The following FHIT variants were observed in gnomAD, a reference collection of about 807,000 sequenced individuals.
FHIT encodes bis(5'-adenosyl)-triphosphatase.
FHIT carries 19 observed loss-of-function variants against 17.9 expected under a neutral mutation model. That is an observed-to-expected ratio of 1.06 (90% CI 0.74 to 1.56). The LOEUF (loss-of-function observed/expected upper bound fraction) is 1.56. Among genes scored for constraint, FHIT ranks in the 40% most tolerant of loss-of-function variants. The pLI, the probability that FHIT is intolerant of heterozygous loss-of-function variation, is 0.00. For missense variants in FHIT, 248 were observed against 189.2 expected (o/e 1.31, Z -1.82); for synonymous variants, 81 against 69.7 (o/e 1.16, Z -0.81).
chr3:60,711,252 T>G (rs2041522158), intron 4 of FHIT, among the ~76,000 whole-genome samples: 1 of 151,988 alleles, frequency 6.6e-6, no homozygotes, highest in Admixed American at 6.6e-5. Context: ...AGAAAGGACA[T>G]CCACACCAAA....
chr3:60,835,770 AC>A (rs1702515800), intron 3 of FHIT, among the ~76,000 whole-genome samples: 1 of 151,928 alleles, frequency 6.6e-6, no homozygotes, highest in South Asian at 2.1e-4. Flanking sequence ...GGCATACACC[AC>A]CAGGCCTGGT....
intron 5 of FHIT, among the ~76,000 whole-genome samples, chr3:60,262,954 T>C (rs1046646587): frequency 6.6e-6 from 1 of 151,816 alleles, no homozygotes; most frequent in African/African-American, 2.4e-5. Flanking sequence ...TAGAAGAACA[T>C]ATTTTTAATG....
intron 5 of FHIT, among the ~76,000 whole-genome samples, chr3:60,308,413 C>A (rs1367252393): frequency 1.3e-5 from 2 of 151,194 alleles, no homozygotes; most frequent in Non-Finnish European, 3.0e-5. Context: ...TGGGCTGTTA[C>A]AGACCAGGAG....
At chr3:59,864,906 A>G (rs1245562480) in intron 8 of FHIT, among the ~76,000 whole-genome samples, 1 of 151,868 alleles carries the variant, frequency 6.6e-6, no homozygotes, top group African/African-American at 2.4e-5. Context: ...TATAATCTCC[A>G]GAGCAGTTCC....
At chr3:59,999,705 T>C (rs1269490561) in intron 7 of FHIT, among the ~76,000 whole-genome samples, 1 of 152,092 alleles carries the variant, frequency 6.6e-6, no homozygotes, top group Non-Finnish European at 1.5e-5. Context: ...CCTCCCAGGT[T>C]CAAGTGATTC....
At chr3:60,398,529 C>A (rs1407487439) in intron 5 of FHIT, among the ~76,000 whole-genome samples, 2 of 152,132 alleles carry the variant, frequency 1.3e-5, no homozygotes, top group Non-Finnish European at 2.9e-5. Flanking sequence ...TACACAGGGT[C>A]AGTCACATAG....
At chr3:59,868,488 T>C (rs1311700263) in intron 8 of FHIT, among the ~76,000 whole-genome samples, 1 of 152,186 alleles carries the variant, frequency 6.6e-6, no homozygotes, top group Non-Finnish European at 1.5e-5. Flanking sequence ...TATGAGGTCT[T>C]GAATCACACC....
intron 4 of FHIT, among the ~76,000 whole-genome samples, chr3:60,593,798 C>A (rs562390833): frequency 6.6e-6 from 1 of 152,152 alleles, no homozygotes; most frequent in South Asian, 2.1e-4. Flanking sequence ...TCAGAGACAG[C>A]CAATGTGGAA....
rs373767681 is a variant in FHIT, at chr3:60,497,133, T to C, written c.103+39727A>G. Among the ~76,000 whole-genome samples, 70 of 152,066 alleles carry C rather than the reference T, an allele frequency of 4.6e-4. 3 individuals carry two copies. The East Asian group carries it at 6.4e-3, about 14-fold the overall frequency. On this transcript the variant is annotated intron_variant, in intron 5 of 9. Transcript: ENST00000492590. Reference sequence around the variant, plus strand: ...ACAACTAGGAGGGGGCATGGTATTGTATCTGGTCGGTACAGGTAGAGTTGC... The same window carrying C: ...ACAACTAGGAGGGGGCATGGTATTGCATCTGGTCGGTACAGGTAGAGTTGC...
chr3:60,594,303 G>T (rs1473837847), intron 4 of FHIT, among the ~76,000 whole-genome samples: 2 of 152,064 alleles, frequency 1.3e-5, no homozygotes, highest in African/African-American at 4.8e-5. Flanking sequence ...CACAACCATT[G>T]TAACTCTAGC....
chr3:60,608,882 T>G (rs372527074), intron 4 of FHIT, among the ~76,000 whole-genome samples: 3 of 152,296 alleles, frequency 2.0e-5, no homozygotes, highest in South Asian at 2.1e-4. Context: ...TGTGTTTCCC[T>G]TCTCTTCATA....
chr3:61,093,490 C>A (rs1450166260), intron 2 of FHIT, among the ~76,000 whole-genome samples: 1 of 151,896 alleles, frequency 6.6e-6, no homozygotes, highest in Non-Finnish European at 1.5e-5. Context: ...AGCCAAAATG[C>A]CAATAATGCC....
At chr3:59,938,636 T>C (rs1706359356) in intron 7 of FHIT, among the ~76,000 whole-genome samples, 1 of 152,182 alleles carries the variant, frequency 6.6e-6, no homozygotes, top group Non-Finnish European at 1.5e-5. Flanking sequence ...TAGTAACTAT[T>C]TTACTATTTT....
chr3:60,033,152 ACAGT>A lies in FHIT; in HGVS notation c.104-19004_104-19001del, dbSNP rs1474008339. 4.6e-5 allele frequency among the ~76,000 whole-genome samples: 7 copies of A among 152,336 alleles called. No homozygotes were observed. The East Asian group carries it at 1.4e-3, about 29-fold the overall frequency. ...AGCAATGATAAAAAGACATTTTAAA[ACAGT>A]CAAAGAACTTGACTACTGCATTAAG... On this transcript the variant is annotated intron_variant, in intron 5 of 9. Coordinates refer to ENST00000492590, the MANE Select transcript of FHIT (RefSeq NM_002012.4).
chr3:60,605,150 T>C (rs1384848406), intron 4 of FHIT, among the ~76,000 whole-genome samples: 2 of 152,044 alleles, frequency 1.3e-5, no homozygotes, highest in South Asian at 4.1e-4. Context: ...TTTTCCCCAA[T>C]ACTAATGTCC....
chr3:61,001,961 C>G (rs1414451781), intron 3 of FHIT, among the ~76,000 whole-genome samples: 4 of 152,050 alleles, frequency 2.6e-5, no homozygotes, highest in Non-Finnish European at 4.4e-5. Flanking sequence ...CTCTACATTT[C>G]TTTGTTTGTT....
intron 5 of FHIT, among the ~76,000 whole-genome samples, chr3:60,314,338 AG>A (rs1488372225): frequency 6.6e-6 from 1 of 152,202 alleles, no homozygotes; most frequent in African/African-American, 2.4e-5. Flanking sequence ...TAGTATCAGA[AG>A]CCTTATCTGG....
At chr3:60,857,914 G>T (rs76679448) in intron 3 of FHIT, among the ~76,000 whole-genome samples, 1,541 of 152,282 alleles carry the variant, frequency 0.01, 14 homozygotes, top group Middle Eastern at 0.017. Flanking sequence ...GGCTTTTTAA[G>T]ATTCCATCTC....
intron 7 of FHIT, among the ~76,000 whole-genome samples, chr3:59,934,735 G>C (rs758672735): frequency 2.0e-5 from 3 of 152,096 alleles, no homozygotes; most frequent in Non-Finnish European, 4.4e-5. Flanking sequence ...GGGCAGCAAG[G>C]AGAAGAATGA....
Sources: allele counts gnomAD v4.1 joint callset (sites outside exome capture counted in the v4.1 genomes callset), GRCh38; gene constraint gnomAD v4.1.1; transcripts MANE v1.5; gene names NCBI Gene and HGNC (gene_info 2026-07-23, HGNC 2026-07-21).